The following HPSE2 variants were observed in gnomAD, a reference collection of about 807,000 sequenced individuals.
HPSE2 encodes the protein inactive heparanase-2.
HPSE2 carries 38 observed loss-of-function variants against 60.5 expected under a neutral mutation model. The observed-to-expected ratio is 0.63, with a 90% CI of 0.48 to 0.82. HPSE2 has a LOEUF of 0.82. HPSE2 is among the 40% of genes least tolerant of loss of function. The pLI, the probability that HPSE2 is intolerant of heterozygous loss-of-function variation, is 0.00. For missense variants in HPSE2, 713 were observed against 740.4 expected (o/e 0.96, Z 0.43); for synonymous variants, 295 against 293.2 (o/e 1.01, Z -0.06).
chr10:98,959,762 C>T (rs565817390), intron 3 of HPSE2, among the ~76,000 whole-genome samples: 10 of 152,108 alleles, frequency 6.6e-5, no homozygotes, highest in African/African-American at 2.4e-4. Flanking sequence ...TATGTAGAGA[C>T]AACTAGAAAG....
chr10:99,240,460 G>T (rs552714796), upstream of HPSE2, among the ~76,000 whole-genome samples: 4 of 149,826 alleles, frequency 2.7e-5, no homozygotes, highest in Non-Finnish European at 5.9e-5. Flanking sequence ...ACCCAGGCTG[G>T]AGTGCAGTGG....
At chr10:99,142,676 A>G (rs1170916710) in intron 3 of HPSE2, among the ~76,000 whole-genome samples, 5 of 152,330 alleles carry the variant, frequency 3.3e-5, no homozygotes, top group Admixed American at 3.3e-4. Context: ...TGTTGATTCC[A>G]ACAGTTTGAA....
At chr10:98,724,319 G>T (rs966717676) in intron 4 of HPSE2, among the ~76,000 whole-genome samples, 2 of 152,094 alleles carry the variant, frequency 1.3e-5, no homozygotes, top group African/African-American at 4.8e-5. Context: ...ATTGCACTGT[G>T]GTCTGAGAGA....
chr10:98,551,087 G>A (rs1943850763), intron 9 of HPSE2, among the ~76,000 whole-genome samples: 1 of 152,164 alleles, frequency 6.6e-6, no homozygotes, highest in Non-Finnish European at 1.5e-5. Flanking sequence ...TGGGTGAGGG[G>A]GTGGGAAAGG....
chr10:99,300,159 C>T, the HPSE2 span, among the ~76,000 whole-genome samples: 1 of 152,104 alleles, frequency 6.6e-6, no homozygotes, highest in African/African-American at 2.4e-5. Flanking sequence ...GACAAGAGCC[C>T]CCCATTCAAC....
At chr10:99,205,597 T>C (rs186966531) in intron 2 of HPSE2, among the ~76,000 whole-genome samples, 1 of 152,152 alleles carries the variant, frequency 6.6e-6, no homozygotes, top group East Asian at 1.9e-4. Context: ...AAAAGCTCAT[T>C]TTCTTGGATT....
At chr10:98,941,716 T>G in intron 3 of HPSE2, among the ~76,000 whole-genome samples, 2 of 134,708 alleles carry the variant, frequency 1.5e-5, no homozygotes, top group African/African-American at 6.4e-5. Flanking sequence ...CTTCACAGAA[T>G]TGGAAAAAAC....
At chr10:98,479,722 G>A (rs890760129) in intron 11 of HPSE2, among the ~76,000 whole-genome samples, 1 of 152,190 alleles carries the variant, frequency 6.6e-6, no homozygotes, top group Non-Finnish European at 1.5e-5. Context: ...TTAGTGGCAG[G>A]ATCAGGGGCT....
At chr10:98,857,426 C>G (rs1442752222) in intron 3 of HPSE2, among the ~76,000 whole-genome samples, 2 of 152,208 alleles carry the variant, frequency 1.3e-5, no homozygotes, top group Admixed American at 6.5e-5. Context: ...CGAATAGAAA[C>G]AGTATGATCT....
the HPSE2 span, among the ~76,000 whole-genome samples, chr10:99,300,587 G>A: frequency 6.6e-6 from 1 of 152,172 alleles, no homozygotes; most frequent in Non-Finnish European, 1.5e-5. Context: ...CCCTCTCATG[G>A]GGAGACACTT....
intron 9 of HPSE2, among the ~76,000 whole-genome samples, chr10:98,558,097 A>T (rs1320952423): frequency 1.3e-5 from 2 of 152,182 alleles, no homozygotes; most frequent in East Asian, 3.8e-4. Context: ...ACACCACTAC[A>T]TGTATCTGAG....
intron 2 of HPSE2, among the ~76,000 whole-genome samples, chr10:99,203,936 C>T (rs556706595): frequency 5.6e-4 from 85 of 152,184 alleles, no homozygotes; most frequent in Admixed American, 3.3e-3. Context: ...ACCCCACAGG[C>T]CAAGGTTCCA....
intron 3 of HPSE2, among the ~76,000 whole-genome samples, chr10:98,780,917 G>A (rs191349689): frequency 2.6e-5 from 4 of 152,170 alleles, no homozygotes; most frequent in African/African-American, 7.2e-5. Flanking sequence ...TGTAGTTAGG[G>A]TGGGAGCATA....
chr10:98,831,741 G>A (rs2134655831), intron 3 of HPSE2, among the ~76,000 whole-genome samples: 1 of 152,322 alleles, frequency 6.6e-6, no homozygotes, highest in South Asian at 2.1e-4. Context: ...GATCTGGGTA[G>A]ACCCTAGAAG....
intron 9 of HPSE2, among the ~76,000 whole-genome samples, chr10:98,502,381 C>G (rs1302831608): frequency 6.6e-6 from 1 of 151,998 alleles, no homozygotes; most frequent in Non-Finnish European, 1.5e-5. Context: ...AATAGGGAAC[C>G]TAGGAATCAA....
In HPSE2 at chr10:98,962,716, A is replaced by G. The variant is rs1955710470; in HGVS notation, c.610+181522T>C. Among the ~76,000 whole-genome samples the G allele has an allele frequency of 2.0e-5, 3 of 150,120 alleles. No homozygotes were observed. In the South Asian group the frequency reaches 6.4e-4, roughly 32 times the overall value. On this transcript the variant is annotated intron_variant, in intron 3 of 11. Transcript: ENST00000370552. ...CAGCCCAAAATCTCCTTAAGCTGAT[A>G]AGCAACTTCAGCAAAGTCTCAGGAT...
the HPSE2 span, among the ~76,000 whole-genome samples, chr10:99,315,667 T>C: frequency 6.6e-6 from 1 of 152,172 alleles, no homozygotes; most frequent in South Asian, 2.1e-4. Flanking sequence ...TCTATGGCGA[T>C]TTTATATCAA....
chr10:98,591,918 T>C (rs1945102731), intron 9 of HPSE2, among the ~76,000 whole-genome samples: 1 of 152,200 alleles, frequency 6.6e-6, no homozygotes, highest in African/African-American at 2.4e-5. Context: ...GGATGAATAT[T>C]TGATCTCTTT....
At chr10:98,794,229 T>C (rs1250182424) in intron 3 of HPSE2, among the ~76,000 whole-genome samples, 1 of 151,210 alleles carries the variant, frequency 6.6e-6, no homozygotes, top group Non-Finnish European at 1.5e-5. Flanking sequence ...AGCCCAGCAT[T>C]ATACATTGCA....
Sources: gnomAD v4.1 joint callset for allele counts (sites outside exome capture counted in the v4.1 genomes callset) on GRCh38, gnomAD v4.1.1 for gene constraint, MANE v1.5 for transcripts, NCBI Gene and HGNC (gene_info 2026-07-23, HGNC 2026-07-21) for gene names.